The following COL4A1 variants were observed in gnomAD, a reference collection of about 807,000 sequenced individuals.
COL4A1 encodes collagen alpha-1(IV) chain.
A neutral mutation model predicts 216.6 loss-of-function variants in COL4A1; 40 were observed. The observed-to-expected ratio is 0.18, with a 90% CI of 0.14 to 0.24. The LOEUF is 0.24. COL4A1 is among the 10% of genes least tolerant of loss of function. COL4A1 has a pLI of 1.00. For missense variants in COL4A1, 1,628 were observed against 2,196.8 expected (o/e 0.74, Z 5.18); for synonymous variants, 839 against 810.7 (o/e 1.03, Z -0.59).
chr13:110,209,843 G>C, intron 10 of COL4A1, 137 bp downstream of exon 10: 2 of 1,071,254 alleles, frequency 1.9e-6, no homozygotes, highest in Non-Finnish European at 2.9e-6. Context: ...TTAGTAAGAG[G>C]GAAGCTGATT....
At chr13:110,285,814 G>A (rs1182924813) in intron 1 of COL4A1, among the ~76,000 whole-genome samples, 2 of 152,094 alleles carry the variant, frequency 1.3e-5, no homozygotes, top group Non-Finnish European at 2.9e-5. Flanking sequence ...AGCACACTGT[G>A]GGACCTCTCA....
At chr13:110,227,427 AACACAC>A (rs34359178) in intron 2 of COL4A1, among the ~76,000 whole-genome samples, 1 of 130,434 alleles carries the variant, frequency 7.7e-6, no homozygotes, top group Non-Finnish European at 1.6e-5. Context: ...CACACACACA[AACACAC>A]ACAAACACAG....
At chr13:110,228,572 A>T (rs1243062868) in intron 2 of COL4A1, among the ~76,000 whole-genome samples, 2 of 152,214 alleles carry the variant, frequency 1.3e-5, no homozygotes, top group African/African-American at 4.8e-5. Flanking sequence ...GAAGACACAC[A>T]TTTAGGATTA....
chr13:110,166,395 A>G, intron 44 of COL4A1, 92 bp from the exon 45 acceptor site: 1 of 835,490 alleles, frequency 1.2e-6, no homozygotes, highest in Non-Finnish European at 2.1e-6. Context: ...GCACACACAT[A>G]CATGTACACA....
intron 24 of COL4A1, among the ~76,000 whole-genome samples, chr13:110,187,741 A>C (rs578179864): frequency 6.6e-6 from 1 of 152,152 alleles, no homozygotes; most frequent in Non-Finnish European, 1.5e-5. Context: ...CTCAAAGAAC[A>C]ATCGCTGTCC....
intron 17 of COL4A1, 137 bp downstream of exon 17, chr13:110,205,216 T>C: frequency 1.0e-6 from 1 of 976,920 alleles, no homozygotes; most frequent in Non-Finnish European, 1.6e-6. Flanking sequence ...AACCACTAAA[T>C]TGTGTTTTTA....
chr13:110,199,572 G>T (rs1290433382), intron 20 of COL4A1, among the ~76,000 whole-genome samples: 1 of 152,176 alleles, frequency 6.6e-6, no homozygotes, highest in Non-Finnish European at 1.5e-5. Flanking sequence ...GGAAAATGAA[G>T]GAACTACCCG....
rs144833229 is a variant in COL4A1, at chr13:110,247,228, C to A, written c.85-4494G>T. On this transcript the variant is annotated intron_variant, in intron 1 of 51. Coordinates refer to ENST00000375820, the MANE Select transcript of COL4A1 (RefSeq NM_001845.6). ...TGTCTCCAAATGGAAGCCAAACTGA[C>A]TTAACTGTGTTTGAAACAGAAAAGA... Among the ~76,000 whole-genome samples the A allele has an allele frequency of 8.3e-3, 1,262 of 152,236 alleles. 14 individuals are homozygous for A. Among genetic ancestry groups the A allele is most frequent in the African/African-American group, 0.029 (1,217 of 41,526 alleles).
In COL4A1 at chr13:110,200,839, G is replaced by A. The variant is rs1879158840; in HGVS notation, c.1120+15C>T. ...TGTGCAAGTATGCTATAACAAATCA[G>A]TTAAGGAGTCTCACCTGGAGGTCCG... On this transcript the variant is annotated intron_variant, in intron 20 of 51. Coordinates refer to ENST00000375820, the MANE Select transcript of COL4A1 (RefSeq NM_001845.6). 1 of 1,613,334 alleles carries A rather than the reference G, an allele frequency of 6.2e-7. No homozygotes were observed. Among genetic ancestry groups the A allele is most frequent in the Non-Finnish European group, 8.5e-7 (1 of 1,179,380 alleles).
chr13:110,206,562 A>G, intron 15 of COL4A1, 103 bp downstream of exon 15: 1 of 1,292,106 alleles, frequency 7.7e-7, no homozygotes, highest in Non-Finnish European at 1.1e-6. Context: ...GATAAACTAG[A>G]AGTCCCTACG....
intron 24 of COL4A1, among the ~76,000 whole-genome samples, chr13:110,189,353 G>A (rs770916903): frequency 3.9e-5 from 6 of 152,174 alleles, no homozygotes; most frequent in South Asian, 2.1e-4. Flanking sequence ...GTGAGCCACC[G>A]TACCCAGCAG....
intron 2 of COL4A1, among the ~76,000 whole-genome samples, chr13:110,227,284 AAT>A (rs1371429043): frequency 6.6e-6 from 1 of 152,066 alleles, no homozygotes. Flanking sequence ...TTCTAATAAA[AAT>A]AGATTGTAGA....
At chr13:110,283,885 C>T (rs1020777676) in intron 1 of COL4A1, among the ~76,000 whole-genome samples, 3 of 152,226 alleles carry the variant, frequency 2.0e-5, no homozygotes, top group African/African-American at 7.2e-5. Flanking sequence ...AAAGCTGTCA[C>T]ATGTCGACAG....
At chr13:110,175,411 C>A (rs1877838599) in intron 36 of COL4A1, 54 bp from the exon 37 acceptor site, 5 of 1,609,606 alleles carry the variant, frequency 3.1e-6, no homozygotes, top group Non-Finnish European at 4.2e-6. Context: ...GCTGGTATTA[C>A]AAATGAAAAA....
At chr13:110,171,083 C>T (rs1166036310) in intron 41 of COL4A1, among the ~76,000 whole-genome samples, 1 of 152,252 alleles carries the variant, frequency 6.6e-6, no homozygotes, top group African/African-American at 2.4e-5. Flanking sequence ...TCCATCAGCA[C>T]ATGAATGGGC....
intron 2 of COL4A1, among the ~76,000 whole-genome samples, chr13:110,227,451 AAG>A (rs893188921): frequency 1.3e-5 from 2 of 149,548 alleles, no homozygotes; most frequent in Admixed American, 6.7e-5. Context: ...CAGAATCAGA[AAG>A]AGAGAGAGAA....
In COL4A1 at chr13:110,179,247, C is replaced by G. The variant is rs767284834; in HGVS notation, c.2344+24G>C. The G allele has an allele frequency of 2.5e-6, 4 of 1,613,928 alleles. No homozygotes were observed. In the African/African-American group the frequency reaches 4.0e-5, roughly 16 times the overall value. On this transcript the variant is annotated intron_variant, in intron 30 of 51. Coordinates refer to ENST00000375820, the MANE Select transcript of COL4A1 (RefSeq NM_001845.6). Reference sequence around the variant, plus strand: ...AAGCACATCCTGTCCTCGAAACCCTCCAGACTGATCTGCATGAAGTTACCT... The same window carrying G: ...AAGCACATCCTGTCCTCGAAACCCTGCAGACTGATCTGCATGAAGTTACCT...
At chr13:110,220,944 C>T (rs887343239) in intron 2 of COL4A1, among the ~76,000 whole-genome samples, 8 of 152,186 alleles carry the variant, frequency 5.3e-5, no homozygotes, top group Non-Finnish European at 8.8e-5. Flanking sequence ...CAAGCCCTCA[C>T]GATAAGGTCC....
chr13:110,299,217 C>T (rs1322274356), intron 1 of COL4A1, among the ~76,000 whole-genome samples: 2 of 152,214 alleles, frequency 1.3e-5, no homozygotes, highest in Non-Finnish European at 2.9e-5. Context: ...GCTCAAGCGG[C>T]GGCCTCAGTG....
Sources: gnomAD v4.1 joint callset for allele counts (sites outside exome capture counted in the v4.1 genomes callset) on GRCh38, gnomAD v4.1.1 for gene constraint, MANE v1.5 for transcripts, NCBI Gene and HGNC (gene_info 2026-07-23, HGNC 2026-07-21) for gene names.